Variants in ACTN1 observed in about 807,000 individuals in gnomAD.
ACTN1 encodes actinin alpha 1.
Under a neutral mutation model 119.6 loss-of-function variants are expected in ACTN1, and 30 were observed. The observed-to-expected ratio is 0.25, with a 90% CI of 0.19 to 0.34. The LOEUF (loss-of-function observed/expected upper bound fraction) is 0.34. ACTN1 is among the 10% of genes least tolerant of loss of function. The pLI, the probability that ACTN1 is intolerant of heterozygous loss-of-function variation, is 1.00. For synonymous variants in ACTN1, 429 were observed against 472.6 expected (o/e 0.91, Z 1.20); for missense variants, 764 against 1,223.4 (o/e 0.62, Z 5.60).
At chr14:68,978,841 G>A (rs904230360) in intron 1 of ACTN1, 111 bp downstream of exon 1, 673 of 655,442 alleles carry the variant, frequency 1.0e-3, no homozygotes, top group Non-Finnish European at 1.4e-3. Flanking sequence ...GCCCCCTCCC[G>A]TGCGCGCCCG....
chr14:68,891,644 A>G (rs1370647193), intron 10 of ACTN1, among the ~76,000 whole-genome samples: 1 of 152,238 alleles, frequency 6.6e-6, no homozygotes, highest in African/African-American at 2.4e-5. Flanking sequence ...AAAAACCCAC[A>G]AAACTATTAC....
chr14:68,928,261 T>G (rs1157546831), intron 1 of ACTN1, among the ~76,000 whole-genome samples: 1 of 152,168 alleles, frequency 6.6e-6, no homozygotes, highest in African/African-American at 2.4e-5. Context: ...GCCAGCCCCC[T>G]TTCCTGGAAA....
intron 1 of ACTN1, among the ~76,000 whole-genome samples, chr14:68,965,023 C>T (rs1227307067): frequency 3.3e-5 from 5 of 152,238 alleles, no homozygotes; most frequent in African/African-American, 1.2e-4. Context: ...CTTCATCTGC[C>T]TTCAGAATAC....
In ACTN1 at chr14:68,874,976, G is replaced by T. The variant is rs755087579; in HGVS notation, c.2628C>A (p.Pro876=). Residue 876 remains proline (P), a synonymous_variant, in exon 22 of 22, where the codon CCC becomes CCA. Coordinates refer to ENST00000394419, the MANE Select transcript of ACTN1 (RefSeq NM_001130004.2). ...GCGCGATGCAGTACTCAGCCTGGTC[G>T]GGTGGCAGCTCGCGGCGCAGCTCGT... is the stretch of plus-strand genomic sequence containing the variant. ...TMDELRRELP[P]DQAEYCIARM... 8 of 1,613,800 alleles carry T rather than the reference G, an allele frequency of 5.0e-6. No individual in the cohort carries two copies. In the South Asian group the frequency reaches 7.7e-5, roughly 16 times the overall value.
Position 68,878,966 on chromosome 14 carries a change from T to C in ACTN1, c.2361+23A>G. 1.9e-6 allele frequency: 3 copies of C among 1,613,080 alleles called. No individual in the cohort carries two copies. Among genetic ancestry groups the C allele is most frequent in the Non-Finnish European group, 1.7e-6 (2 of 1,179,796 alleles). The stretch of plus-strand genomic sequence containing the variant: ...TTGCCCCAGACGCCACCCCTGAGCG[T>C]GCTCCATGCAGGAGGCGAGTACCTG... On this transcript the variant is annotated intron_variant, in intron 19 of 21. Coordinates refer to ENST00000394419, the MANE Select transcript of ACTN1 (RefSeq NM_001130004.2). The surrounding 1 kb of genome is among the most constrained non-coding windows in gnomAD (Gnocchi z 4.4).
intron 1 of ACTN1, among the ~76,000 whole-genome samples, chr14:68,935,015 G>C (rs1160941595): frequency 6.6e-6 from 1 of 152,108 alleles, no homozygotes. Context: ...GTGGTTGGTT[G>C]TGGGCTTTGT....
intron 14 of ACTN1, 127 bp from the exon 15 acceptor site, chr14:68,883,182 G>T: frequency 9.7e-7 from 1 of 1,031,346 alleles, no homozygotes; most frequent in Non-Finnish European, 1.4e-6. Flanking sequence ...AGATTCTTGT[G>T]GCTGAGAACC....
chr14:68,923,210 A>T (rs1473904115), intron 2 of ACTN1, among the ~76,000 whole-genome samples: 1 of 152,230 alleles, frequency 6.6e-6, no homozygotes, highest in Non-Finnish European at 1.5e-5. Context: ...CACAGAGAGA[A>T]GATGACCTGC....
intron 1 of ACTN1, among the ~76,000 whole-genome samples, chr14:68,941,101 C>T (rs191613523): frequency 5.3e-4 from 80 of 152,238 alleles, no homozygotes; most frequent in African/African-American, 1.6e-3. Context: ...CCCCAGAGGA[C>T]GAATTACTGC....
chr14:68,969,279 A>G (rs777198234), intron 1 of ACTN1, among the ~76,000 whole-genome samples: 4 of 152,256 alleles, frequency 2.6e-5, no homozygotes, highest in Non-Finnish European at 2.9e-5. Flanking sequence ...TCATGCATGC[A>G]AAAACACCTC....
intron 6 of ACTN1, among the ~76,000 whole-genome samples, chr14:68,905,650 A>C (rs1293068901): frequency 6.6e-6 from 1 of 152,232 alleles, no homozygotes; most frequent in Non-Finnish European, 1.5e-5. Flanking sequence ...ACATGCTGCA[A>C]CATGGATGAA....
intron 8 of ACTN1, among the ~76,000 whole-genome samples, chr14:68,901,254 T>TG (rs1566617001): frequency 2.8e-5 from 4 of 144,730 alleles, no homozygotes; most frequent in East Asian, 4.0e-4. Context: ...GTTTTGTTTT[T>TG]TTTTTTTTTT....
At chr14:68,918,303 C>T (rs887566060) in intron 3 of ACTN1, among the ~76,000 whole-genome samples, 2 of 151,724 alleles carry the variant, frequency 1.3e-5, no homozygotes, top group African/African-American at 4.8e-5. Context: ...AAGTTCTGGC[C>T]GGGCGCGGTG....
chr14:68,893,476 C>A (rs1383281357), intron 9 of ACTN1, among the ~76,000 whole-genome samples, 179 bp downstream of exon 9: 1 of 152,186 alleles, frequency 6.6e-6, no homozygotes, highest in African/African-American at 2.4e-5. Context: ...CTGGCCTCTG[C>A]CCCCACCTCA....
chr14:68,882,707 A>G lies in ACTN1; in HGVS notation c.1819-115T>C. On this transcript the variant is annotated intron_variant, in intron 15 of 21. Coordinates refer to ENST00000394419, the MANE Select transcript of ACTN1 (RefSeq NM_001130004.2). The surrounding 1 kb of genome is among the most constrained non-coding windows in gnomAD (Gnocchi z 4.5). ...GGCCGGTCAGTAACAGAACAGGAGTAAAGGTGTCAACCTGTTCTGGAAACC... is the reference window on the plus strand; with the variant it reads ...GGCCGGTCAGTAACAGAACAGGAGTGAAGGTGTCAACCTGTTCTGGAAACC... 6.5e-7 allele frequency: 1 copy of G among 1,534,030 alleles called. No individual in the cohort carries two copies. The highest frequency in any genetic ancestry group is 8.9e-7 in the Non-Finnish European group (1 of 1,127,698).
chr14:68,899,476 CCA>C (rs1430004320), intron 8 of ACTN1, among the ~76,000 whole-genome samples: 3 of 141,408 alleles, frequency 2.1e-5, no homozygotes, highest in South Asian at 2.2e-4. Flanking sequence ...CATACACACA[CCA>C]CACTCCCCAT....
chr14:68,978,738 C>T (rs1039852364), intron 1 of ACTN1: 2 of 371,872 alleles, frequency 5.4e-6, no homozygotes, highest in African/African-American at 4.3e-5. Context: ...CGCGCTCCGG[C>T]CCGGCGTTCC....
At position 68,970,754 on chromosome 14, in the gene ACTN1, C is replaced by T. The variant is rs575242561; in HGVS notation, c.105+8198G>A. 2.6e-5 allele frequency among the ~76,000 whole-genome samples: 4 copies of T among 152,324 alleles called. No individual in the cohort carries two copies. In the East Asian group the frequency reaches 7.7e-4, roughly 29 times the overall value. ...TTCAACTGAAAAACACAGAGAAATA[C>T]AACTTGCATCCTTCACTACCTTTAA... On this transcript the variant is annotated intron_variant, in intron 1 of 21. Coordinates refer to ENST00000394419, the MANE Select transcript of ACTN1 (RefSeq NM_001130004.2).
At chr14:68,972,930 A>G (rs2036937193) in intron 1 of ACTN1, among the ~76,000 whole-genome samples, 2 of 152,212 alleles carry the variant, frequency 1.3e-5, no homozygotes, top group African/African-American at 4.8e-5. Context: ...GCGAGCCACT[A>G]TAATTATTAT....
Sources: allele counts gnomAD v4.1 joint callset (sites outside exome capture counted in the v4.1 genomes callset), GRCh38; gene constraint gnomAD v4.1.1; non-coding constraint Gnocchi (gnomAD v3.1); transcripts MANE v1.5; gene names NCBI Gene and HGNC (gene_info 2026-07-23, HGNC 2026-07-21).